HOXC10: variants seen among roughly 807,000 people sequenced by gnomAD.
HOXC10 encodes the protein homeobox protein Hox-C10.
A neutral mutation model predicts 26.0 loss-of-function variants in HOXC10; 15 were observed. That is an observed-to-expected ratio of 0.58 (90% CI 0.39 to 0.89). The LOEUF (loss-of-function observed/expected upper bound fraction) is 0.89. Among genes scored for constraint, HOXC10 ranks in the 40% least tolerant of loss-of-function variants. The pLI, the probability that HOXC10 is intolerant of heterozygous loss-of-function variation, is 0.00. For missense variants in HOXC10, 446 were observed against 451.9 expected, an observed-to-expected ratio of 0.99 and a Z score of 0.12; for synonymous variants, 196 against 185.5, an observed-to-expected ratio of 1.06 and a Z score of -0.46.
At position 53,985,835 on chromosome 12, in the gene HOXC10, G is replaced by A. The variant is rs895420099; in HGVS notation, c.576G>A (p.Leu192=). Residue 192 remains leucine, a synonymous_variant, in exon 1 of 2, where the codon CTG becomes CTA. Transcript: ENST00000303460. ...PRAEHLESPQ[L]GGKVSFPETP... ...CCGAACATCTGGAATCGCCTCAGCTGGGGGGCAAAGTGAGTTTCCCTGAGA... is the reference window on the plus strand; with the variant it reads ...CCGAACATCTGGAATCGCCTCAGCTAGGGGGCAAAGTGAGTTTCCCTGAGA... The A allele has an allele frequency of 3.1e-6, 5 of 1,613,652 alleles. No homozygotes were observed. Among genetic ancestry groups the A allele is most frequent in the African/African-American group, 1.3e-5 (1 of 74,914 alleles).
At chr12:53,988,291 A>G (rs1192536829) in intron 1 of HOXC10, among the ~76,000 whole-genome samples, 4 of 152,242 alleles carry the variant, frequency 2.6e-5, no homozygotes, top group African/African-American at 9.6e-5. Context: ...AGACTCATGT[A>G]CATATCTATG....
At chr12:53,988,373 A>G (rs1939469536) in intron 1 of HOXC10, among the ~76,000 whole-genome samples, 1 of 152,212 alleles carries the variant, frequency 6.6e-6, no homozygotes, top group Non-Finnish European at 1.5e-5. Context: ...ATACACATCT[A>G]CGTATGCACA....
In HOXC10 at chr12:53,985,977, T is replaced by A; in HGVS notation, c.718T>A (p.Ser240Thr). 6.3e-7 allele frequency: 1 copy of A among 1,593,082 alleles called. No individual in the cohort carries two copies. The highest frequency in any genetic ancestry group is 1.7e-4 in the Middle Eastern group (1 of 5,942). Residue 240 changes from serine (S) to threonine (T), a missense_variant, in exon 1 of 2, where the codon TCC (serine) becomes ACC (threonine). Coordinates refer to ENST00000303460, the MANE Select transcript of HOXC10 (RefSeq NM_017409.4). ...SEKERAKAAD[S>T]SPDTSDNEAK... is the part of the protein sequence containing the mutation. ...AAAGGAGAGGGCCAAAGCTGCCGAC[T>A]CCAGCCCAGACACCTCGGATAACGA...
At position 53,985,175 on chromosome 12, in the gene HOXC10, C is replaced by G; in HGVS notation, c.-85C>G. On this transcript the variant is annotated 5_prime_UTR_variant, in exon 1 of 2. Coordinates refer to ENST00000303460, the MANE Select transcript of HOXC10 (RefSeq NM_017409.4). ...TTCTTTTTCCTCCCTCCCCTCCAAC[C>G]GCGCCCCCCCTCCCGGATGGGGAAA... 1.6e-6 allele frequency: 2 copies of G among 1,274,732 alleles called. No individual in the cohort carries two copies. Among genetic ancestry groups the G allele is most frequent in the Non-Finnish European group, 2.1e-6 (2 of 956,974 alleles). 79.0% of individuals were successfully genotyped at this position (1,274,732 alleles called of 1,614,324 possible).
chr12:53,989,420 C>A lies in HOXC10; in HGVS notation c.1003C>A (p.Leu335Met). 6.2e-7 allele frequency: 1 copy of A among 1,613,558 alleles called. No individual in the cohort carries two copies. The highest frequency in any genetic ancestry group is 8.5e-7 in the Non-Finnish European group (1 of 1,179,764). Residue 335 changes from leucine (L) to methionine (M), a missense_variant, in exon 2 of 2, where the codon CTG becomes ATG. Coordinates refer to ENST00000303460, the MANE Select transcript of HOXC10 (RefSeq NM_017409.4). ...KMNRENRIRE[L>M]TSNFNFT Reference sequence around the variant, plus strand: ...GAACCGAGAGAATCGGATCCGGGAACTGACCTCCAATTTTAATTTCACCTG... The same window carrying A: ...GAACCGAGAGAATCGGATCCGGGAAATGACCTCCAATTTTAATTTCACCTG...
chr12:53,987,917 G>A (rs185035198), intron 1 of HOXC10, among the ~76,000 whole-genome samples: 175 of 150,248 alleles, frequency 1.2e-3, no homozygotes, highest in African/African-American at 4.1e-3. Flanking sequence ...GCAGAGACAG[G>A]AGAGAAAATT....
rs1939427255 is a variant in HOXC10 at position 53,985,924 on chromosome 12, G to T, written c.665G>T (p.Gly222Val). ...NEIKTEQSLA[G>V]PKGSPSESEK... The stretch of plus-strand genomic sequence containing the variant: ...ATCAAGACGGAGCAGAGCCTGGCGG[G>T]CCCTAAAGGGAGCCCCTCGGAGAGC... The change falls in exon 1 of 2, where the codon GGC (glycine) becomes GTC (valine). Residue 222 changes from glycine to valine, a missense_variant. Gly to Val is a moderately radical substitution (Grantham distance 109, BLOSUM62 -3). Transcript: ENST00000303460. The T allele has an allele frequency of 1.2e-6, 2 of 1,613,546 alleles. No homozygotes were observed. The highest frequency in any genetic ancestry group is 1.7e-6 in the Non-Finnish European group (2 of 1,179,860).
Position 53,985,743 on chromosome 12 carries a change from C to A in HOXC10, c.484C>A (p.Pro162Thr). Reference sequence around the variant, plus strand: ...GAGCTACTCCGCGCTGGACAAGACGCCCCACTGTTCTGGGGCCAACGACTT... The same window carrying A: ...GAGCTACTCCGCGCTGGACAAGACGACCCACTGTTCTGGGGCCAACGACTT... ...SPSYSALDKT[P>T]HCSGANDFEA... The change falls in exon 1 of 2, where the codon CCC becomes ACC. Residue 162 changes from proline (P) to threonine (T), a missense_variant. Transcript: ENST00000303460. 1 of 1,612,900 alleles carries A rather than the reference C, an allele frequency of 6.2e-7. No homozygotes were observed.
intron 1 of HOXC10, among the ~76,000 whole-genome samples, chr12:53,987,788 C>T (rs190047784): frequency 3.1e-4 from 47 of 152,206 alleles, no homozygotes; most frequent in Non-Finnish European, 1.3e-4. Context: ...ATTAAACTTC[C>T]CCATTTATAA....
intron 1 of HOXC10, 135 bp from the exon 2 acceptor site, chr12:53,989,034 A>G (rs1939476907): frequency 4.3e-6 from 3 of 693,346 alleles, no homozygotes; most frequent in Admixed American, 3.2e-5. Flanking sequence ...AGAGGAGCCC[A>G]CCGCCAGGCC....
rs756357117 is a variant in HOXC10 at position 53,985,828 on chromosome 12, C to T, written c.569C>T (p.Pro190Leu). 7 of 1,613,736 alleles carry T rather than the reference C, an allele frequency of 4.3e-6. No homozygotes were observed. The Admixed American group carries it at 1.0e-4, about 23-fold the overall frequency. The change falls in exon 1 of 2, where the codon CCT becomes CTT. Residue 190 changes from proline (P) to leucine (L), a missense_variant. By Grantham distance (98) the Pro-to-Leu change is moderately conservative. Transcript: ENST00000303460. The stretch of plus-strand genomic sequence containing the variant: ...CCGCGCGCCGAACATCTGGAATCGC[C>T]TCAGCTGGGGGGCAAAGTGAGTTTC... Reference protein sequence around the residue: ...LNPRAEHLESPQLGGKVSFPE... With the variant: ...LNPRAEHLESLQLGGKVSFPE...
At chr12:53,987,084 C>T (rs574782588) in intron 1 of HOXC10, among the ~76,000 whole-genome samples, 20 of 152,300 alleles carry the variant, frequency 1.3e-4, no homozygotes, top group Admixed American at 7.2e-4. Context: ...AAACCTGCTC[C>T]CCACAACACC....
chr12:53,989,046 C>G, intron 1 of HOXC10, 123 bp from the exon 2 acceptor site: 1 of 800,952 alleles, frequency 1.2e-6, no homozygotes. Context: ...CGCCAGGCCC[C>G]TGGGGCAAGA....
intron 1 of HOXC10, 41 bp from the exon 2 acceptor site, chr12:53,989,128 A>G: frequency 6.4e-7 from 1 of 1,551,918 alleles, no homozygotes; most frequent in Non-Finnish European, 8.7e-7. Flanking sequence ...AGGGTTTTCG[A>G]CTTCGAGGGA....
At chr12:53,986,142 G>T in intron 1 of HOXC10, 132 bp downstream of exon 1, 2 of 981,016 alleles carry the variant, frequency 2.0e-6, no homozygotes, top group South Asian at 2.0e-5. Context: ...CCTGGCTTTC[G>T]ACTAGCGTCC....
chr12:53,988,174 T>C (rs912684605), intron 1 of HOXC10, among the ~76,000 whole-genome samples: 3 of 152,176 alleles, frequency 2.0e-5, no homozygotes, highest in African/African-American at 7.2e-5. Flanking sequence ...TTCTGCTACT[T>C]GAGAAGCAAG....
At chr12:53,988,315 G>C (rs1939468826) in intron 1 of HOXC10, among the ~76,000 whole-genome samples, 1 of 152,232 alleles carries the variant, frequency 6.6e-6, no homozygotes, top group South Asian at 2.1e-4. Flanking sequence ...GTGTACTTAT[G>C]TGTATAGGTG....
In HOXC10 at chr12:53,985,396, G is replaced by A; in HGVS notation, c.137G>A (p.Gly46Asp). The change falls in exon 1 of 2, where the codon GGC becomes GAC. Residue 46 changes from glycine to aspartate, a missense_variant. By Grantham distance (94) the Gly-to-Asp change is moderately conservative. Coordinates refer to ENST00000303460, the MANE Select transcript of HOXC10 (RefSeq NM_017409.4). ...GACTTCAATTGCGGGGTGATGAGGG[G>A]CTGCGGGCTCGCGCCCTCGCTCTCC... ...GSDFNCGVMR[G>D]CGLAPSLSKR... is the part of the protein sequence containing the mutation. 3.1e-6 allele frequency: 5 copies of A among 1,613,710 alleles called. No homozygotes were observed. Among genetic ancestry groups the A allele is most frequent in the Non-Finnish European group, 3.4e-6 (4 of 1,179,990 alleles).
chr12:53,986,583 G>A (rs528442120), intron 1 of HOXC10: 2 of 152,334 alleles, frequency 1.3e-5, no homozygotes, highest in African/African-American at 4.8e-5. Flanking sequence ...CTTGGGCAGC[G>A]AGGCTGGAGC....
Sources: allele counts gnomAD v4.1 joint callset (sites outside exome capture counted in the v4.1 genomes callset), GRCh38; gene constraint gnomAD v4.1.1; transcripts MANE v1.5; gene names NCBI Gene and HGNC (gene_info 2026-07-23, HGNC 2026-07-21).